ULK4: variants seen among roughly 807,000 people sequenced by gnomAD.
ULK4 encodes the protein inactive serine/threonine-protein kinase ULK4.
ULK4 carries 133 observed loss-of-function variants against 160.6 expected under a neutral mutation model. That is an observed-to-expected ratio of 0.83 (90% CI 0.72 to 0.96). ULK4 has a LOEUF of 0.96. ULK4 is among the 40% of genes least tolerant of loss of function. The pLI, the probability that ULK4 is intolerant of heterozygous loss-of-function variation, is 0.00. For missense variants in ULK4, 1,580 were observed against 1,499.5 expected, an observed-to-expected ratio of 1.05 and a Z score of -0.89; for synonymous variants, 534 against 539.8, an observed-to-expected ratio of 0.99 and a Z score of 0.15.
intron 18 of ULK4, among the ~76,000 whole-genome samples, chr3:41,832,976 A>C (rs2041641286): frequency 6.6e-6 from 1 of 151,850 alleles, no homozygotes; most frequent in South Asian, 2.1e-4. Context: ...TGATGCCTCC[A>C]GCTTTGTTCT....
At chr3:41,319,404 G>C (rs2080207925) in intron 35 of ULK4, among the ~76,000 whole-genome samples, 1 of 152,156 alleles carries the variant, frequency 6.6e-6, no homozygotes, top group Admixed American at 6.5e-5. Context: ...ATGATTATCT[G>C]ATTATCATAA....
intron 7 of ULK4, among the ~76,000 whole-genome samples, chr3:41,916,356 C>A (rs996835586): frequency 3.9e-5 from 6 of 152,180 alleles, no homozygotes; most frequent in Admixed American, 2.6e-4. Context: ...TAAGGATCAC[C>A]AGCTTAACAA....
intron 34 of ULK4, among the ~76,000 whole-genome samples, chr3:41,417,322 G>C (rs948038234): frequency 6.6e-6 from 1 of 152,148 alleles, no homozygotes; most frequent in African/African-American, 2.4e-5. Context: ...TCAGGGAAGA[G>C]AGCCTGGTAA....
chr3:41,602,709 A>T (rs1314500127), intron 31 of ULK4, among the ~76,000 whole-genome samples: 1 of 152,150 alleles, frequency 6.6e-6, no homozygotes, highest in Non-Finnish European at 1.5e-5. Flanking sequence ...CTGAATTTTT[A>T]AAAGAAATTT....
intron 35 of ULK4, among the ~76,000 whole-genome samples, chr3:41,332,229 A>T (rs2632591): frequency 6.6e-6 from 1 of 152,132 alleles, no homozygotes; most frequent in Non-Finnish European, 1.5e-5. Flanking sequence ...CAAAAAACAA[A>T]CCAAGAAACC....
chr3:41,633,251 A>T (rs529742597), intron 30 of ULK4, among the ~76,000 whole-genome samples: 1 of 152,226 alleles, frequency 6.6e-6, no homozygotes, highest in Non-Finnish European at 1.5e-5. Context: ...TGCATAGTCC[A>T]TAAGCCAAGA....
intron 30 of ULK4, among the ~76,000 whole-genome samples, chr3:41,656,904 G>A (rs971426657): frequency 1.3e-5 from 2 of 152,150 alleles, no homozygotes; most frequent in Admixed American, 6.6e-5. Flanking sequence ...GTTTGCTGAG[G>A]AAGATTTGCT....
At chr3:41,511,706 A>G (rs975911062) in intron 32 of ULK4, among the ~76,000 whole-genome samples, 1 of 152,226 alleles carries the variant, frequency 6.6e-6, no homozygotes, top group African/African-American at 2.4e-5. Flanking sequence ...GAATTATATC[A>G]GACATTCAGA....
intron 18 of ULK4, among the ~76,000 whole-genome samples, chr3:41,830,511 G>C (rs1485617104): frequency 6.6e-6 from 1 of 152,036 alleles, no homozygotes; most frequent in Admixed American, 6.6e-5. Context: ...TCTGTATGTA[G>C]TGATGGTTTC....
chr3:41,406,124 C>A (rs2082289233), intron 34 of ULK4, among the ~76,000 whole-genome samples: 4 of 152,162 alleles, frequency 2.6e-5, no homozygotes. Context: ...ATCTTTAATC[C>A]ATTTTCAGCT....
At chr3:41,547,227 A>C (rs1243453744) in intron 32 of ULK4, among the ~76,000 whole-genome samples, 1 of 152,246 alleles carries the variant, frequency 6.6e-6, no homozygotes, top group Non-Finnish European at 1.5e-5. Context: ...TAGTGCAGTA[A>C]AACTAGAAAT....
chr3:41,857,478 T>C (rs1335310900), intron 17 of ULK4, among the ~76,000 whole-genome samples: 4 of 152,182 alleles, frequency 2.6e-5, no homozygotes, highest in African/African-American at 7.2e-5. Flanking sequence ...GGAAGTACTC[T>C]CTCCTCGTCT....
intron 27 of ULK4, among the ~76,000 whole-genome samples, chr3:41,689,543 T>C (rs2036212310): frequency 4.6e-5 from 7 of 152,200 alleles, no homozygotes. Context: ...CCTACTCATC[T>C]GACAAAGGGC....
In ULK4 at chr3:41,717,736, C is replaced by T. The variant is rs558297627; in HGVS notation, c.2447G>A (p.Arg816Gln). 7 of 1,611,790 alleles carry T rather than the reference C, an allele frequency of 4.3e-6. No homozygotes were observed. Among genetic ancestry groups the T allele is most frequent in the East Asian group, 2.2e-5 (1 of 44,848 alleles). Residue 816 changes from arginine to glutamine, a missense_variant, in exon 23 of 37, where the codon CGA becomes CAA. Transcript: ENST00000301831. ...ATGAGACTCCAATTTACCCAGGATTCGTGGCAGCTCCTGCACAATGTGACA... is the reference window on the plus strand; with the variant it reads ...ATGAGACTCCAATTTACCCAGGATTTGTGGCAGCTCCTGCACAATGTGACA... ...LICHIVQELP[R>Q]ILGDILNSLA...
intron 8 of ULK4, among the ~76,000 whole-genome samples, chr3:41,915,031 T>C (rs1266895295): frequency 1.3e-5 from 2 of 152,210 alleles, no homozygotes; most frequent in East Asian, 1.9e-4. Flanking sequence ...ATATGCATAA[T>C]GTACCATGAG....
chr3:41,405,610 T>C (rs1023834935), intron 34 of ULK4, among the ~76,000 whole-genome samples: 2 of 152,230 alleles, frequency 1.3e-5, no homozygotes, highest in Non-Finnish European at 2.9e-5. Context: ...AGCATCCTCT[T>C]TTCTCCACAG....
Position 41,538,318 on chromosome 3 carries a change from T to G in ULK4, c.3226+27707A>C, listed in dbSNP as rs117368452. Among the ~76,000 whole-genome samples the G allele has an allele frequency of 1.5e-3, 229 of 152,040 alleles. 4 individuals carry two copies. In the East Asian group the frequency reaches 0.042, roughly 28 times the overall value. ...CACAAAAAGTTTTTATGCCTACTGG[T>G]GTAGCCACAGCAGCAGTGTCATGAA... On this transcript the variant is annotated intron_variant, in intron 32 of 36. Transcript: ENST00000301831.
At chr3:41,666,622 T>C (rs2035359072) in intron 29 of ULK4, among the ~76,000 whole-genome samples, 1 of 152,212 alleles carries the variant, frequency 6.6e-6, no homozygotes, top group African/African-American at 2.4e-5. Flanking sequence ...TAACCAGCTC[T>C]CCTTGTTCCC....
chr3:41,658,768 G>A (rs1330209633), intron 30 of ULK4, among the ~76,000 whole-genome samples: 1 of 97,280 alleles, frequency 1.0e-5, no homozygotes, highest in East Asian at 2.4e-4. Flanking sequence ...CATATATACT[G>A]GCAGCAGTGG....
Sources: allele counts gnomAD v4.1 joint callset (sites outside exome capture counted in the v4.1 genomes callset), GRCh38; gene constraint gnomAD v4.1.1; transcripts MANE v1.5; gene names NCBI Gene and HGNC (gene_info 2026-07-23, HGNC 2026-07-21).